COL20A1: variants seen among roughly 807,000 people sequenced by gnomAD.
COL20A1 encodes collagen alpha-1(XX) chain.
Under a neutral mutation model 152.9 loss-of-function variants are expected in COL20A1, and 164 were observed. The observed-to-expected ratio is 1.07, with a 90% CI of 0.94 to 1.22. The LOEUF (loss-of-function observed/expected upper bound fraction) is 1.22, where lower values mean the gene tolerates loss of function less well. Ranked by LOEUF, COL20A1 falls within the 50% of genes most tolerant of loss-of-function variation. The probability of loss-of-function intolerance (pLI) is 0.00; values close to 1 mark genes in which losing one functional copy is unlikely to be tolerated. For synonymous variants in COL20A1, 864 were observed against 756.0 expected, an observed-to-expected ratio of 1.14 and a Z score of -2.34; for missense variants, 1,873 against 1,744.8, an observed-to-expected ratio of 1.07 and a Z score of -1.31.
intron 29 of COL20A1, 131 bp from the exon 30 acceptor site, chr20:63,325,964 TG>T: frequency 1.2e-6 from 1 of 839,730 alleles, no homozygotes; most frequent in Non-Finnish European, 1.9e-6. Flanking sequence ...GGTAGGAGCC[TG>T]GCAGCCTCAG....
chr20:63,320,883 G>T (rs957751486), intron 25 of COL20A1, 130 bp from the exon 26 acceptor site: 1 of 681,566 alleles, frequency 1.5e-6, no homozygotes. Context: ...CCTGACCTTC[G>T]CCCCTGCCTC....
chr20:63,314,113 C>A lies in COL20A1; in HGVS notation c.2400C>A (p.Asp800Glu). The change falls in exon 19 of 36, where the codon GAC (aspartate) becomes GAA (glutamate). Residue 800 changes from aspartate (D) to glutamate (E), a missense_variant. By Grantham distance (45) the Asp-to-Glu change is conservative. Coordinates refer to ENST00000358894, the MANE Select transcript of COL20A1 (RefSeq NM_020882.4). Reference sequence around the variant, plus strand: ...CCAGGAGCCACGTGACACTGCCCGACCTGCAGGCAGCCACGAAGTACAGGG... The same window carrying A: ...CCAGGAGCCACGTGACACTGCCCGAACTGCAGGCAGCCACGAAGTACAGGG... ...PGARSHVTLP[D>E]LQAATKYRVL... The A allele has an allele frequency of 6.2e-7, 1 of 1,612,670 alleles. No homozygotes were observed. The highest frequency in any genetic ancestry group is 2.2e-5 in the East Asian group (1 of 44,872).
chr20:63,320,306 C>A lies in COL20A1; in HGVS notation c.3091C>A (p.Leu1031Met), dbSNP rs976719242. The A allele has an allele frequency of 6.2e-7, 1 of 1,610,674 alleles. No homozygotes were observed. Among genetic ancestry groups the A allele is most frequent in the Non-Finnish European group, 8.5e-7 (1 of 1,179,828 alleles). ...TGCGTTGCAGTTTCAGCTCCAGATG[C>A]TGCAGATCGTGTGCAGTGACACCTG... ...SSSAAFQLQM[L>M]QIVCSDTWAD... The change falls in exon 25 of 36, where the codon CTG (leucine) becomes ATG (methionine). Residue 1031 changes from leucine (L) to methionine (M), a missense_variant. Leu to Met is a conservative substitution (Grantham distance 15). Coordinates refer to ENST00000358894, the MANE Select transcript of COL20A1 (RefSeq NM_020882.4).
intron 1 of COL20A1, among the ~76,000 whole-genome samples, 151 bp downstream of exon 1, chr20:63,293,426 G>A (rs921610394): frequency 6.6e-6 from 1 of 152,168 alleles, no homozygotes; most frequent in Admixed American, 6.5e-5. Flanking sequence ...TGCCCAGCAC[G>A]CACAGGGTGT....
intron 6 of COL20A1, 53 bp downstream of exon 6, chr20:63,307,701 C>A: frequency 6.4e-7 from 1 of 1,572,630 alleles, no homozygotes; most frequent in South Asian, 1.2e-5. Context: ...GTCCCCACAG[C>A]TCTGCCAGAG....
At chr20:63,299,383 G>C in intron 3 of COL20A1, among the ~76,000 whole-genome samples, 1 of 152,196 alleles carries the variant, frequency 6.6e-6, no homozygotes, top group South Asian at 2.1e-4. Flanking sequence ...GACACCCTTG[G>C]CAACCAACGC....
chr20:63,320,520 G>T (rs1455581726), intron 25 of COL20A1, among the ~76,000 whole-genome samples, 152 bp downstream of exon 25: 1 of 152,230 alleles, frequency 6.6e-6, no homozygotes, highest in Non-Finnish European at 1.5e-5. Context: ...CTCAGGGCCA[G>T]TGGATGAGCC....
In COL20A1 at chr20:63,295,716, G is replaced by T. The variant is rs552007385; in HGVS notation, c.82+527G>T. 2.4e-4 allele frequency among the ~76,000 whole-genome samples: 37 copies of T among 152,372 alleles called. No individual in the cohort carries two copies. The South Asian group carries it at 7.5e-3, about 31-fold the overall frequency. On this transcript the variant is annotated intron_variant, in intron 2 of 35. Transcript: ENST00000358894. ...TTGGGTAACGTAGGGCACCGCCCAT[G>T]GCAGCAAAGGGAAATGGCAGAGGAT...
intron 30 of COL20A1, 123 bp from the exon 31 acceptor site, chr20:63,326,629 C>G (rs764657823): frequency 2.2e-4 from 136 of 608,702 alleles, no homozygotes; most frequent in Non-Finnish European, 3.4e-4. Flanking sequence ...GAGGCTGGGG[C>G]CAGCCAGGCA....
chr20:63,319,527 G>A lies in COL20A1; in HGVS notation c.2847G>A (p.Arg949=). 1 of 1,595,704 alleles carries A rather than the reference G, an allele frequency of 6.3e-7. No individual in the cohort carries two copies. Residue 949 remains arginine, a synonymous_variant, in exon 23 of 36, where the codon AGG becomes AGA. Transcript: ENST00000358894. The surrounding 1 kb of genome is among the most constrained non-coding windows in gnomAD (Gnocchi z 4.4). ...KSLTYFHRDP[R]AALQEATFDP... ...TGACCTACTTCCACCGTGACCCCAG[G>A]GCTGCCTTGCAGGAGGCCACCTTCG...
intron 34 of COL20A1, 126 bp from the exon 35 acceptor site, chr20:63,329,459 T>G (rs1568792322): frequency 1.4e-6 from 1 of 702,062 alleles, no homozygotes; most frequent in Admixed American, 2.3e-5. Context: ...GATCTCAGAC[T>G]CCCATCTAAG....
Position 63,314,098 on chromosome 20 carries a change from C to T in COL20A1, c.2385C>T (p.His795=), listed in dbSNP as rs749274520. ...TCTCTGTGCCAGGAGCCAGGAGCCA[C>T]GTGACACTGCCCGACCTGCAGGCAG... The part of the protein sequence containing the change: ...KSVSVPGARS[H]VTLPDLQAAT... Residue 795 remains histidine (H), a synonymous_variant, in exon 19 of 36, where the codon CAC becomes CAT. Coordinates refer to ENST00000358894, the MANE Select transcript of COL20A1 (RefSeq NM_020882.4). 1.4e-5 allele frequency: 22 copies of T among 1,612,680 alleles called. No homozygotes were observed. Among genetic ancestry groups the T allele is most frequent in the Non-Finnish European group, 1.6e-5 (19 of 1,179,754 alleles).
chr20:63,304,390 G>C (rs111174530), intron 3 of COL20A1, among the ~76,000 whole-genome samples: 7 of 106,950 alleles, frequency 6.5e-5, no homozygotes, highest in African/African-American at 1.3e-4. Flanking sequence ...CAGGTGTGCA[G>C]GTGTGGGTTC....
At chr20:63,316,165 T>C (rs369859433) in intron 20 of COL20A1, among the ~76,000 whole-genome samples, 1 of 148,252 alleles carries the variant, frequency 6.7e-6, no homozygotes, top group African/African-American at 2.5e-5. Flanking sequence ...GGGGACGCGG[T>C]GCAGTGGGCT....
intron 2 of COL20A1, among the ~76,000 whole-genome samples, chr20:63,296,516 C>G (rs2067795687): frequency 6.6e-6 from 1 of 152,212 alleles, no homozygotes; most frequent in African/African-American, 2.4e-5. Flanking sequence ...ATGGCCCAGG[C>G]TGGGTGCGGC....
intron 10 of COL20A1, 125 bp downstream of exon 10, chr20:63,310,040 G>T (rs73921038): frequency 2.1e-6 from 2 of 952,780 alleles, no homozygotes; most frequent in Admixed American, 5.9e-5. Context: ...AGGGGGTGTC[G>T]AGGGGCTGAC....
At position 63,313,213 on chromosome 20, in the gene COL20A1, G is replaced by A. The variant is rs376473959; in HGVS notation, c.2173G>A (p.Ala725Thr). The A allele has an allele frequency of 5.0e-6, 8 of 1,612,328 alleles. No homozygotes were observed. In the East Asian group the frequency reaches 1.1e-4, roughly 22 times the overall value. The change falls in exon 17 of 36, where the codon GCC becomes ACC. Residue 725 changes from alanine to threonine, a missense_variant. Ala to Thr is a moderately conservative substitution (Grantham distance 58, BLOSUM62 0). Transcript: ENST00000358894. The surrounding 1 kb of genome is among the most constrained non-coding windows in gnomAD (Gnocchi z 5.9). Reference protein sequence around the residue: ...VTILAYYRDGARSDPVSLRYT... With the variant: ...VTILAYYRDGTRSDPVSLRYT... ...CATCTTGGCCTACTACAGGGACGGGGCCCGCAGTGACCCTGTGTCCCTCCG... is the reference window on the plus strand; with the variant it reads ...CATCTTGGCCTACTACAGGGACGGGACCCGCAGTGACCCTGTGTCCCTCCG...
In COL20A1 at chr20:63,313,355, G is replaced by A; in HGVS notation, c.2209+106G>A. ...CCCAGGACCCTAGACTCCCAGAACT[G>A]CTGGCTCCAGAGCCCTGATCACTGG... On this transcript the variant is annotated intron_variant, in intron 17 of 35. Coordinates refer to ENST00000358894, the MANE Select transcript of COL20A1 (RefSeq NM_020882.4). The surrounding 1 kb of genome is among the most constrained non-coding windows in gnomAD (Gnocchi z 5.9). 1 of 1,257,954 alleles carries A rather than the reference G, an allele frequency of 7.9e-7. No homozygotes were observed. The highest frequency in any genetic ancestry group is 1.1e-6 in the Non-Finnish European group (1 of 916,962). The allele number at this position is 1,257,954 out of a possible 1,614,324, so 77.9% of individuals were successfully genotyped here.
intron 19 of COL20A1, among the ~76,000 whole-genome samples, chr20:63,314,617 C>T (rs2068060183): frequency 6.6e-6 from 1 of 152,152 alleles, no homozygotes; most frequent in Non-Finnish European, 1.5e-5. Context: ...TCCTCACTGC[C>T]TGGACAGCTT....
Sources: allele counts gnomAD v4.1 joint callset (sites outside exome capture counted in the v4.1 genomes callset), GRCh38; gene constraint gnomAD v4.1.1; non-coding constraint Gnocchi (gnomAD v3.1); transcripts MANE v1.5; gene names NCBI Gene and HGNC (gene_info 2026-07-23, HGNC 2026-07-21).